GPR176: variants seen among roughly 807,000 people sequenced by gnomAD.
GPR176 encodes the protein G protein-coupled receptor 176, also known as G-protein coupled receptor 176.
Under a neutral mutation model 35.4 loss-of-function variants are expected in GPR176, and 26 were observed. That is an observed-to-expected ratio of 0.74 (90% CI 0.54 to 1.02). The LOEUF (loss-of-function observed/expected upper bound fraction) is 1.02, where lower values mean the gene tolerates loss of function less well. Ranked by LOEUF, GPR176 falls within the 50% of genes least tolerant of loss-of-function variation. The probability of loss-of-function intolerance (pLI) is 0.00; values close to 1 mark genes in which losing one functional copy is unlikely to be tolerated. For missense variants in GPR176, 597 were observed against 665.3 expected (o/e 0.90, Z 1.13); for synonymous variants, 278 against 271.3 (o/e 1.02, Z -0.24).
Position 39,911,520 on chromosome 15 carries a change from T to G in GPR176, c.172+8335A>C, listed in dbSNP as rs564850070. Among the ~76,000 whole-genome samples the G allele has an allele frequency of 4.3e-4, 66 of 152,328 alleles. 2 individuals carry two copies. In the South Asian group the frequency reaches 0.013, roughly 31 times the overall value. ...CAGTTTGAAGGCATTTCTCTGGAAA[T>G]TGCTTGCAAATGCAAAAACAAAAGA... On this transcript the variant is annotated intron_variant, in intron 1 of 2. Transcript: ENST00000561100.
intron 1 of GPR176, among the ~76,000 whole-genome samples, chr15:39,872,935 G>C (rs1273930475): frequency 1.5e-5 from 2 of 133,768 alleles, no homozygotes; most frequent in Admixed American, 7.5e-5. Flanking sequence ...GTGTGTGTGT[G>C]TGTGTGTGTG....
intron 1 of GPR176, among the ~76,000 whole-genome samples, chr15:39,809,871 C>A (rs1480311240): frequency 4.6e-5 from 7 of 152,030 alleles, no homozygotes; most frequent in Non-Finnish European, 8.8e-5. Flanking sequence ...GATGGCCGGG[C>A]GCGGTGGCTC....
chr15:39,904,592 G>T lies in GPR176; in HGVS notation c.172+15263C>A, dbSNP rs1446347088. ...TAGGGGTTTTCAACAAGCCCATGCA[G>T]ACATTTGATTTGTGTCCCCTGCAAT... On this transcript the variant is annotated intron_variant, in intron 1 of 2. Transcript: ENST00000561100. 2.6e-5 allele frequency among the ~76,000 whole-genome samples: 4 copies of T among 152,180 alleles called. No homozygotes were observed. The East Asian group carries it at 7.7e-4, about 29-fold the overall frequency.
intron 1 of GPR176, chr15:39,860,701 G>C (rs2031532683): frequency 6.6e-6 from 1 of 152,228 alleles, no homozygotes; most frequent in Non-Finnish European, 1.5e-5. Context: ...ACTTAGACCT[G>C]CTTGCCGATG....
intron 1 of GPR176, among the ~76,000 whole-genome samples, chr15:39,874,088 C>T (rs1196067845): frequency 2.6e-5 from 4 of 152,206 alleles, no homozygotes; most frequent in East Asian, 1.9e-4. Flanking sequence ...AAGTGACTTA[C>T]GTAAGTCTGC....
intron 1 of GPR176, among the ~76,000 whole-genome samples, chr15:39,878,135 T>TGTGTGTGTGTGTGTGTGTGTGTG (rs1555408567): frequency 6.7e-6 from 1 of 148,704 alleles, no homozygotes; most frequent in Non-Finnish European, 1.5e-5. Flanking sequence ...TGTGTGTGTG[T>TGTGTGTGTGTGTGTGTGTGTGTG]TGAGAACATT....
chr15:39,888,240 T>C (rs2032740739), intron 1 of GPR176, among the ~76,000 whole-genome samples: 1 of 151,918 alleles, frequency 6.6e-6, no homozygotes. Flanking sequence ...GCTTTTCTCT[T>C]GTTGGTTTTT....
intron 1 of GPR176, among the ~76,000 whole-genome samples, chr15:39,809,482 CCTT>C (rs1272555364): frequency 2.6e-5 from 4 of 152,156 alleles, no homozygotes; most frequent in African/African-American, 9.7e-5. Flanking sequence ...TTCAGATTCT[CCTT>C]CGTTTTACAA....
chr15:39,806,194 A>G (rs1899179134), intron 2 of GPR176, among the ~76,000 whole-genome samples: 1 of 152,226 alleles, frequency 6.6e-6, no homozygotes, highest in South Asian at 2.1e-4. Flanking sequence ...AGGGCATAAA[A>G]TCAGAATAGC....
intron 1 of GPR176, among the ~76,000 whole-genome samples, chr15:39,889,968 C>T (rs2032812385): frequency 6.6e-6 from 1 of 152,122 alleles, no homozygotes; most frequent in South Asian, 2.1e-4. Context: ...GAGCCTATGT[C>T]CATATATCTG....
At chr15:39,892,431 T>TA (rs1421620136) in intron 1 of GPR176, among the ~76,000 whole-genome samples, 1 of 152,230 alleles carries the variant, frequency 6.6e-6, no homozygotes, top group Non-Finnish European at 1.5e-5. Flanking sequence ...TATTTGAACT[T>TA]AGTGTTTGCC....
In GPR176 at chr15:39,800,470, T is replaced by G. The variant is rs1375586676; in HGVS notation, c.*662A>C. 6.6e-6 allele frequency: 1 copy of G among 152,248 alleles called. No individual in the cohort carries two copies. Among genetic ancestry groups the G allele is most frequent in the African/African-American group, 2.4e-5 (1 of 41,414 alleles). The allele number at this position is 152,248 out of a possible 1,614,324, so 9.4% of individuals were successfully genotyped here. A position where few individuals can be genotyped will look rare whatever the true frequency, so the allele number is the denominator to read the frequency against. On this transcript the variant is annotated 3_prime_UTR_variant, in exon 3 of 3. Coordinates refer to ENST00000561100, the MANE Select transcript of GPR176 (RefSeq NM_007223.3). ...GGTGATGCCAAGGGAAAATCAGAAT[T>G]ATCAAGGACAAAATATCTCCCTTAC...
intron 1 of GPR176, among the ~76,000 whole-genome samples, chr15:39,827,605 G>A (rs1348062964): frequency 6.6e-6 from 1 of 152,192 alleles, no homozygotes; most frequent in Non-Finnish European, 1.5e-5. Flanking sequence ...GGTCCATTCA[G>A]TCAGTTGGGG....
rs145422158 is a variant in GPR176 at position 39,809,378 on chromosome 15, A to ATG, written c.173-2122_173-2121dup. Among the ~76,000 whole-genome samples the ATG allele has an allele frequency of 1.6e-3, 244 of 150,854 alleles. 1 individual carries two copies. The highest frequency in any genetic ancestry group is 7.1e-3 in the South Asian group (34 of 4,766). ...CATTTGGTTACACATTTAAAAATAA[A>ATG]TGTGTGTGTGTGTGTGTGCGTGTGC... On this transcript the variant is annotated intron_variant, in intron 1 of 2. Coordinates refer to ENST00000561100, the MANE Select transcript of GPR176 (RefSeq NM_007223.3).
chr15:39,903,168 C>T (rs172105), intron 1 of GPR176, among the ~76,000 whole-genome samples: 51,495 of 152,010 alleles, frequency 0.34, 8,984 homozygotes, highest in Admixed American at 0.43. Context: ...TTTAGGTGTA[C>T]CAAATGCATT....
intron 1 of GPR176, among the ~76,000 whole-genome samples, chr15:39,851,682 T>C (rs1382671219): frequency 2.6e-5 from 4 of 152,214 alleles, no homozygotes; most frequent in Non-Finnish European, 5.9e-5. Flanking sequence ...TGCGAGTCAG[T>C]GGGCTGCAGC....
intron 1 of GPR176, among the ~76,000 whole-genome samples, chr15:39,880,262 T>C (rs2032422949): frequency 6.6e-6 from 1 of 152,158 alleles, no homozygotes; most frequent in Non-Finnish European, 1.5e-5. Flanking sequence ...CACTGTCTGG[T>C]CTCTCCCTGC....
At chr15:39,916,654 A>G (rs1349507619) in intron 1 of GPR176, among the ~76,000 whole-genome samples, 1 of 152,250 alleles carries the variant, frequency 6.6e-6, no homozygotes, top group African/African-American at 2.4e-5. Context: ...ATTTGTTTCA[A>G]GAGAAAAAAA....
chr15:39,888,069 TAG>T lies in GPR176; in HGVS notation c.172+31784_172+31785del, dbSNP rs543722579. ...TTGTCTTCCCACAGTTTGCCACGCC[TAG>T]AGACTCAAGGTCCTTTCCCTTTCTG... On this transcript the variant is annotated intron_variant, in intron 1 of 2. Transcript: ENST00000561100. 7.2e-5 allele frequency among the ~76,000 whole-genome samples: 11 copies of T among 152,354 alleles called. No homozygotes were observed. In the South Asian group the frequency reaches 2.3e-3, roughly 32 times the overall value.
Sources: gnomAD v4.1 joint callset for allele counts (sites outside exome capture counted in the v4.1 genomes callset) on GRCh38, gnomAD v4.1.1 for gene constraint, MANE v1.5 for transcripts, NCBI Gene and HGNC (gene_info 2026-07-23, HGNC 2026-07-21) for gene names.